The following EFCAB6 variants were observed in gnomAD, a reference collection of about 807,000 sequenced individuals.
EFCAB6 encodes EF-hand calcium binding domain 6.
In EFCAB6, 156 loss-of-function variants were observed where a neutral mutation model predicts 169.8. The ratio of observed to expected loss-of-function variants is 0.92; its 90% CI spans 0.81 to 1.05. EFCAB6 has a LOEUF of 1.05. Ranked by LOEUF, EFCAB6 falls within the 50% of genes least tolerant of loss-of-function variation. EFCAB6 has a pLI of 0.00. For synonymous variants in EFCAB6, 698 were observed against 676.4 expected (o/e 1.03, Z -0.50); for missense variants, 1,800 against 1,829.1 (o/e 0.98, Z 0.29).
intron 10 of EFCAB6, among the ~76,000 whole-genome samples, chr22:43,703,019 T>C (rs1459634627): frequency 6.6e-6 from 1 of 152,152 alleles, no homozygotes; most frequent in Non-Finnish European, 1.5e-5. Flanking sequence ...AAACGTGAAC[T>C]GTGCATTTCT....
rs137720 is a variant in EFCAB6, at chr22:43,623,739, C to CAAA, written c.2465+2705_2465+2707dup. Among the ~76,000 whole-genome samples the CAAA allele has an allele frequency of 2.3e-3, 222 of 95,226 alleles. 2 individuals are homozygous for CAAA. Among genetic ancestry groups the CAAA allele is most frequent in the African/African-American group, 8.1e-3 (206 of 25,356 alleles). 62.5% of individuals were successfully genotyped at this position (95,226 alleles called of 152,430 possible). On this transcript the variant is annotated intron_variant, in intron 20 of 31. Transcript: ENST00000262726. ...TGAAACCCCGTCTCTACTAAAAATA[C>CAAA]AAAAAAAAAAAAAAAAAAAATTAGC... is the stretch of plus-strand genomic sequence containing the variant.
At chr22:43,615,324 T>A (rs1167472542) in intron 21 of EFCAB6, among the ~76,000 whole-genome samples, 1 of 152,174 alleles carries the variant, frequency 6.6e-6, no homozygotes, top group Non-Finnish European at 1.5e-5. Flanking sequence ...CCCATCTCAA[T>A]ACCATAATCA....
chr22:43,657,232 C>T (rs573224958), intron 17 of EFCAB6, among the ~76,000 whole-genome samples: 1 of 152,210 alleles, frequency 6.6e-6, no homozygotes, highest in South Asian at 2.1e-4. Flanking sequence ...GAGGTGGAGG[C>T]TGTAGTGAGT....
chr22:43,736,575 G>A (rs1373931730), intron 6 of EFCAB6, among the ~76,000 whole-genome samples: 3 of 150,146 alleles, frequency 2.0e-5, no homozygotes, highest in Non-Finnish European at 4.4e-5. Flanking sequence ...GCTCACAGAC[G>A]CACACGACAT....
At chr22:43,675,475 A>ATAATATT (rs75220495) in intron 13 of EFCAB6, among the ~76,000 whole-genome samples, 1 of 140,292 alleles carries the variant, frequency 7.1e-6, no homozygotes, top group Non-Finnish European at 1.5e-5. Flanking sequence ...TATATAATAT[A>ATAATATT]ATATGTAATA....
intron 20 of EFCAB6, among the ~76,000 whole-genome samples, chr22:43,617,437 C>G (rs2053769915): frequency 6.6e-6 from 1 of 152,200 alleles, no homozygotes; most frequent in Non-Finnish European, 1.5e-5. Flanking sequence ...CCCTACTTTT[C>G]ACACCCTGAT....
intron 12 of EFCAB6, 60 bp from the exon 13 acceptor site, chr22:43,678,223 T>C: frequency 6.7e-7 from 1 of 1,497,574 alleles, no homozygotes; most frequent in East Asian, 2.3e-5. Flanking sequence ...GAAGAAAAAG[T>C]GTTATGTATG....
intron 12 of EFCAB6, among the ~76,000 whole-genome samples, chr22:43,681,370 G>C (rs969491808): frequency 1.1e-4 from 16 of 152,174 alleles, no homozygotes; most frequent in Non-Finnish European, 2.4e-4. Flanking sequence ...ATATTTTGTT[G>C]AGAATTTTTG....
intron 27 of EFCAB6, chr22:43,540,675 C>T (rs1007048559): frequency 8.4e-6 from 7 of 830,880 alleles, no homozygotes; most frequent in East Asian, 5.4e-5. Flanking sequence ...GCAGTGTATT[C>T]GAACATTTGG....
In EFCAB6 at chr22:43,668,885, C is replaced by G; in HGVS notation, c.1801G>C (p.Asp601His). The G allele has an allele frequency of 6.2e-7, 1 of 1,600,066 alleles. No individual in the cohort carries two copies. Among genetic ancestry groups the G allele is most frequent in the Non-Finnish European group, 8.5e-7 (1 of 1,173,514 alleles). ...HLQKDEQQQP[D>H]LSERTKLTED... ...GCTTAATTTTACCTCTCAGAAAGAT[C>G]TGGCTGCTGCTGTTCATCTTTTTGT... is the stretch of plus-strand genomic sequence containing the variant. Residue 601 changes from aspartate (D) to histidine (H), a missense_variant, in exon 16 of 32, where the codon GAT becomes CAT. Asp to His is a moderately conservative substitution (Grantham distance 81). Transcript: ENST00000262726.
chr22:43,774,885 A>G (rs1447461168), intron 3 of EFCAB6, among the ~76,000 whole-genome samples: 1 of 151,904 alleles, frequency 6.6e-6, no homozygotes, highest in Non-Finnish European at 1.5e-5. Flanking sequence ...TGGGGTTATG[A>G]GATGGCACAG....
At chr22:43,791,176 C>G (rs1237170021) in intron 2 of EFCAB6, among the ~76,000 whole-genome samples, 2 of 152,086 alleles carry the variant, frequency 1.3e-5, no homozygotes, top group Admixed American at 1.3e-4. Flanking sequence ...GAGTTCAAGA[C>G]CAGCCTGGGC....
At chr22:43,627,737 G>A (rs189574497) in intron 19 of EFCAB6, among the ~76,000 whole-genome samples, 45 of 152,286 alleles carry the variant, frequency 3.0e-4, no homozygotes, top group Admixed American at 2.5e-3. Context: ...TGGCGGCATT[G>A]CGCTTGTCCC....
intron 23 of EFCAB6, among the ~76,000 whole-genome samples, chr22:43,590,862 C>A (rs1301781376): frequency 6.6e-6 from 1 of 151,798 alleles, no homozygotes; most frequent in African/African-American, 2.4e-5. Context: ...GACTGGAGAA[C>A]AGCCAGTGCC....
chr22:43,604,161 G>C (rs1569233229), intron 22 of EFCAB6, among the ~76,000 whole-genome samples: 1 of 152,100 alleles, frequency 6.6e-6, no homozygotes, highest in Non-Finnish European at 1.5e-5. Flanking sequence ...GGAACCGTGA[G>C]CCAATTAAAC....
At chr22:43,649,240 A>G (rs1230943876) in intron 17 of EFCAB6, among the ~76,000 whole-genome samples, 1 of 152,256 alleles carries the variant, frequency 6.6e-6, no homozygotes, top group Non-Finnish European at 1.5e-5. Flanking sequence ...CAAGAGGGCA[A>G]AGGATGTAAA....
intron 20 of EFCAB6, among the ~76,000 whole-genome samples, chr22:43,623,406 T>C (rs1196347198): frequency 1.3e-5 from 2 of 152,166 alleles, no homozygotes; most frequent in Non-Finnish European, 2.9e-5. Flanking sequence ...ATTGGATCAG[T>C]CATTCTACTT....
rs765818466 is a variant in EFCAB6, at chr22:43,736,006, A to C, written c.508-13T>G. ...TGTTTTTGAAAACCTATGTACAAAA[A>C]GTGATTTAGGAAAAGTCAAAAGATC... On this transcript the variant is annotated splice_polypyrimidine_tract_variant and intron_variant, in intron 6 of 31. Coordinates refer to ENST00000262726, the MANE Select transcript of EFCAB6 (RefSeq NM_022785.4). The C allele has an allele frequency of 1.8e-5, 28 of 1,596,840 alleles. No individual in the cohort carries two copies. The Admixed American group carries it at 3.7e-4, about 21-fold the overall frequency.
At chr22:43,770,236 A>T (rs1569480378) in intron 4 of EFCAB6, among the ~76,000 whole-genome samples, 3 of 152,156 alleles carry the variant, frequency 2.0e-5, no homozygotes, top group Admixed American at 1.3e-4. Context: ...TCCTTGGCTC[A>T]AATGATGCTC....
Sources: gnomAD v4.1 joint callset for allele counts (sites outside exome capture counted in the v4.1 genomes callset) on GRCh38, gnomAD v4.1.1 for gene constraint, MANE v1.5 for transcripts, NCBI Gene and HGNC (gene_info 2026-07-23, HGNC 2026-07-21) for gene names.